DACH1: variants seen among roughly 807,000 people sequenced by gnomAD.
The protein encoded by DACH1 is dachshund homolog 1.
A neutral mutation model predicts 54.2 loss-of-function variants in DACH1; 12 were observed. The ratio of observed to expected loss-of-function variants is 0.22; its 90% CI spans 0.14 to 0.36. DACH1 has a LOEUF of 0.36. DACH1 is among the 10% of genes least tolerant of loss of function. DACH1 has a pLI of 1.00. For missense variants in DACH1, 805 were observed against 929.8 expected (o/e 0.87, Z 1.75); for synonymous variants, 386 against 366.2 (o/e 1.05, Z -0.62).
chr13:71,496,508 G>C (rs913548256), intron 6 of DACH1, among the ~76,000 whole-genome samples: 3 of 151,610 alleles, frequency 2.0e-5, no homozygotes, highest in African/African-American at 7.3e-5. Context: ...TGGGAGCTAA[G>C]TAATGTGTAC....
At chr13:71,460,017 T>C (rs1429923249) in intron 10 of DACH1, among the ~76,000 whole-genome samples, 2 of 152,036 alleles carry the variant, frequency 1.3e-5, no homozygotes, top group African/African-American at 4.8e-5. Context: ...AGCCCTTCTA[T>C]GTGCATTGTT....
intron 4 of DACH1, among the ~76,000 whole-genome samples, chr13:71,560,726 G>C (rs1294499026): frequency 6.6e-6 from 1 of 152,110 alleles, no homozygotes; most frequent in Non-Finnish European, 1.5e-5. Flanking sequence ...TCTGCAAGTA[G>C]ATTCTATAAA....
Position 71,865,901 on chromosome 13 carries a change from G to A in DACH1, c.848+21C>T, listed in dbSNP as rs1352044384. On this transcript the variant is annotated intron_variant, in intron 1 of 10. Coordinates refer to ENST00000613252, the MANE Select transcript of DACH1 (RefSeq NM_080759.6). ...TGGTGGGAAGGGGCGCGGGCGGCGG[G>A]GGCTATCCCCCCCGACTCACCTTGC... is the stretch of plus-strand genomic sequence containing the variant. 3.8e-6 allele frequency: 6 copies of A among 1,573,348 alleles called. No individual in the cohort carries two copies. The South Asian group carries it at 5.8e-5, about 15-fold the overall frequency.
chr13:71,865,817 G>A (rs972512943), intron 1 of DACH1, 105 bp downstream of exon 1: 3 of 1,314,432 alleles, frequency 2.3e-6, no homozygotes, highest in African/African-American at 1.6e-5. Flanking sequence ...CGGGGCGCGC[G>A]GCTCGCGGGC....
chr13:71,657,288 G>A (rs1057320546), intron 2 of DACH1, among the ~76,000 whole-genome samples: 1 of 151,708 alleles, frequency 6.6e-6, no homozygotes, highest in African/African-American at 2.4e-5. Flanking sequence ...GCTCATTTCT[G>A]TAATTCCAGC....
Position 71,455,564 on chromosome 13 carries a change from A to G in DACH1, c.2084-14872T>C, listed in dbSNP as rs1875488811. Among the ~76,000 whole-genome samples the G allele has an allele frequency of 2.0e-5, 3 of 152,174 alleles. No homozygotes were observed. In the South Asian group the frequency reaches 6.2e-4, roughly 31 times the overall value. ...CGAAATAGTTTAATTCTCAGATCAAAAATATCTCAGAATAATAATGATCAT... is the reference window on the plus strand; with the variant it reads ...CGAAATAGTTTAATTCTCAGATCAAGAATATCTCAGAATAATAATGATCAT... On this transcript the variant is annotated intron_variant, in intron 10 of 10. Transcript: ENST00000613252.
At chr13:71,660,539 A>T (rs563459563) in intron 2 of DACH1, among the ~76,000 whole-genome samples, 1 of 152,056 alleles carries the variant, frequency 6.6e-6, no homozygotes, top group Non-Finnish European at 1.5e-5. Flanking sequence ...TGGGACGAGC[A>T]GAGGCATGGA....
At chr13:71,530,591 A>G (rs1882349855) in intron 6 of DACH1, among the ~76,000 whole-genome samples, 2 of 152,140 alleles carry the variant, frequency 1.3e-5, no homozygotes, top group Admixed American at 1.3e-4. Context: ...TGCCTCTAAC[A>G]TGCCTACTTG....
At chr13:71,504,472 A>G (rs1880156276) in intron 6 of DACH1, among the ~76,000 whole-genome samples, 1 of 152,188 alleles carries the variant, frequency 6.6e-6, no homozygotes, top group Non-Finnish European at 1.5e-5. Flanking sequence ...TAAAAGACAT[A>G]GCTCAGATCA....
intron 1 of DACH1, among the ~76,000 whole-genome samples, chr13:71,839,674 C>T (rs762268479): frequency 3.3e-5 from 5 of 152,040 alleles, no homozygotes; most frequent in African/African-American, 4.8e-5. Flanking sequence ...GGGCTTCTGC[C>T]CTAACTTTTC....
At chr13:71,779,795 A>G (rs922033236) in intron 1 of DACH1, among the ~76,000 whole-genome samples, 2 of 151,822 alleles carry the variant, frequency 1.3e-5, no homozygotes, top group African/African-American at 4.8e-5. Context: ...ATCCCTGGCC[A>G]CCTCTACTCA....
chr13:71,584,824 T>C (rs1218545462), intron 3 of DACH1, among the ~76,000 whole-genome samples: 1 of 152,064 alleles, frequency 6.6e-6, no homozygotes, highest in African/African-American at 2.4e-5. Context: ...TTGGAAATCT[T>C]AGGGAGGCAA....
chr13:71,594,589 T>C (rs1873961158), intron 3 of DACH1, among the ~76,000 whole-genome samples: 1 of 152,168 alleles, frequency 6.6e-6, no homozygotes, highest in Non-Finnish European at 1.5e-5. Flanking sequence ...GCTGAAGTGA[T>C]GTGTAGCTCC....
At chr13:71,569,808 G>C (rs1885095308) in intron 4 of DACH1, among the ~76,000 whole-genome samples, 1 of 152,058 alleles carries the variant, frequency 6.6e-6, no homozygotes, top group Non-Finnish European at 1.5e-5. Flanking sequence ...GTATATTCCA[G>C]CATTTAGAAC....
intron 2 of DACH1, among the ~76,000 whole-genome samples, chr13:71,653,854 T>C (rs1465576308): frequency 2.0e-5 from 3 of 152,152 alleles, no homozygotes; most frequent in Non-Finnish European, 4.4e-5. Flanking sequence ...TAACTATACT[T>C]AGCAATACTG....
intron 3 of DACH1, among the ~76,000 whole-genome samples, chr13:71,615,816 T>A (rs984602828): frequency 2.6e-5 from 4 of 152,188 alleles, no homozygotes; most frequent in Non-Finnish European, 4.4e-5. Flanking sequence ...TTAGAAGACA[T>A]CTATGAATGT....
At chr13:71,615,470 C>T (rs915964803) in intron 3 of DACH1, among the ~76,000 whole-genome samples, 4 of 152,126 alleles carry the variant, frequency 2.6e-5, no homozygotes, top group African/African-American at 9.7e-5. Context: ...TAAAATGAGA[C>T]AAAACTTTTC....
intron 3 of DACH1, among the ~76,000 whole-genome samples, chr13:71,576,618 A>G (rs1453843051): frequency 1.3e-5 from 2 of 152,202 alleles, no homozygotes; most frequent in African/African-American, 4.8e-5. Flanking sequence ...AGATTATTGA[A>G]TAGTCAGAAA....
At chr13:71,552,042 G>C (rs569512906) in intron 6 of DACH1, among the ~76,000 whole-genome samples, 1 of 152,174 alleles carries the variant, frequency 6.6e-6, no homozygotes, top group South Asian at 2.1e-4. Flanking sequence ...CCTCTGAAAT[G>C]TTGGTCTCCT....
Sources: gnomAD v4.1 joint callset for allele counts (sites outside exome capture counted in the v4.1 genomes callset) on GRCh38, gnomAD v4.1.1 for gene constraint, MANE v1.5 for transcripts, NCBI Gene and HGNC (gene_info 2026-07-23, HGNC 2026-07-21) for gene names.